Variants in DPP6 observed in about 807,000 individuals in gnomAD.
DPP6 encodes the protein A-type potassium channel modulatory protein DPP6.
A neutral mutation model predicts 122.6 loss-of-function variants in DPP6; 69 were observed. The observed-to-expected ratio is 0.56, with a 90% CI of 0.46 to 0.69. The LOEUF is 0.69. Among genes scored for constraint, DPP6 ranks in the 30% least tolerant of loss-of-function variants. The pLI, the probability that DPP6 is intolerant of heterozygous loss-of-function variation, is 0.00. For missense variants in DPP6, 928 were observed against 1,116.9 expected, an observed-to-expected ratio of 0.83 and a Z score of 2.41; for synonymous variants, 418 against 433.1, an observed-to-expected ratio of 0.97 and a Z score of 0.43.
intron 1 of DPP6, among the ~76,000 whole-genome samples, chr7:154,137,048 T>C (rs1563236425): frequency 2.6e-5 from 4 of 152,226 alleles, no homozygotes; most frequent in Non-Finnish European, 1.5e-5. Flanking sequence ...AAGAGAACTT[T>C]AGGGGGACAT....
chr7:154,792,474 T>G lies in DPP6; in HGVS notation c.1137-1605T>G, dbSNP rs184418249. Reference sequence around the variant, plus strand: ...GTGACATATATTTTTTTCTTATGATTGTAAATAATGACCAAATCCCATCAT... The same window carrying G: ...GTGACATATATTTTTTTCTTATGATGGTAAATAATGACCAAATCCCATCAT... On this transcript the variant is annotated intron_variant, in intron 10 of 25. Transcript: ENST00000377770. Among the ~76,000 whole-genome samples, 409 of 152,388 alleles carry G rather than the reference T, an allele frequency of 2.7e-3. 2 individuals carry two copies. The highest frequency in any genetic ancestry group is 0.01 in the Middle Eastern group (3 of 294).
At chr7:154,047,593 T>C (rs1346682982), upstream of DPP6, among the ~76,000 whole-genome samples, 32 of 150,558 alleles carry the variant, frequency 2.1e-4, no homozygotes, top group East Asian at 4.7e-3. Context: ...GAAACGATCA[T>C]TGTGTCACCA....
chr7:154,342,260 G>A (rs1039187450), intron 1 of DPP6, among the ~76,000 whole-genome samples: 3 of 152,172 alleles, frequency 2.0e-5, no homozygotes, highest in African/African-American at 7.2e-5. Context: ...TGTGGGCACA[G>A]CATGGAAAGG....
chr7:154,433,496 C>G lies in DPP6; in HGVS notation c.244-12718C>G, dbSNP rs1486106499. Among the ~76,000 whole-genome samples the G allele has an allele frequency of 2.6e-5, 4 of 152,108 alleles. No individual in the cohort carries two copies. The East Asian group carries it at 5.8e-4, about 22-fold the overall frequency. ...ATACTTCATTGTTTATAAGCGTGTACTGGGCACATTGTGAAACACAAACGT... is the reference window on the plus strand; with the variant it reads ...ATACTTCATTGTTTATAAGCGTGTAGTGGGCACATTGTGAAACACAAACGT... On this transcript the variant is annotated intron_variant, in intron 1 of 25. Coordinates refer to ENST00000377770, the MANE Select transcript of DPP6 (RefSeq NM_130797.4).
At chr7:154,678,605 C>T (rs1436445942) in intron 7 of DPP6, among the ~76,000 whole-genome samples, 1 of 152,238 alleles carries the variant, frequency 6.6e-6, no homozygotes, top group Non-Finnish European at 1.5e-5. Flanking sequence ...CCGCGAGGGT[C>T]TGCGGCTTCA....
intron 16 of DPP6, among the ~76,000 whole-genome samples, chr7:154,807,745 C>A (rs766615905): frequency 6.6e-6 from 1 of 152,090 alleles, no homozygotes; most frequent in Non-Finnish European, 1.5e-5. Context: ...TTGCTTGAAC[C>A]CAGGAGGTGG....
At chr7:154,243,010 A>G (rs1165835307) in intron 1 of DPP6, among the ~76,000 whole-genome samples, 4 of 152,326 alleles carry the variant, frequency 2.6e-5, no homozygotes, top group East Asian at 3.9e-4. Context: ...ACACCATAGC[A>G]GTAAAAGCTA....
In DPP6 at chr7:154,341,092, T is replaced by A. The variant is rs1454332110; in HGVS notation, c.244-105122T>A. On this transcript the variant is annotated intron_variant, in intron 1 of 25. Transcript: ENST00000377770. ...GAGATACTAGTTTTTATGCTTGTAA[T>A]CAATCACACTTAAATATCATGCAAT... 2.6e-5 allele frequency among the ~76,000 whole-genome samples: 4 copies of A among 152,214 alleles called. No homozygotes were observed. The South Asian group carries it at 8.3e-4, about 31-fold the overall frequency.
intron 7 of DPP6, among the ~76,000 whole-genome samples, chr7:154,679,643 G>C (rs1324681221): frequency 6.6e-6 from 1 of 152,192 alleles, no homozygotes. Flanking sequence ...CCAGCAAGAG[G>C]AGAGTCTTTA....
intron 1 of DPP6, among the ~76,000 whole-genome samples, chr7:153,918,808 C>A (rs1046663708): frequency 6.6e-6 from 1 of 151,596 alleles, no homozygotes; most frequent in Non-Finnish European, 1.5e-5. Flanking sequence ...GGTGAAACCC[C>A]GTCTCTACTA....
chr7:154,822,357 G>A (rs746228906), intron 16 of DPP6, among the ~76,000 whole-genome samples: 14 of 152,148 alleles, frequency 9.2e-5, no homozygotes, highest in South Asian at 4.1e-4. Flanking sequence ...ATCTCGCTGC[G>A]TCCTCACATG....
chr7:154,892,550 T>C lies in DPP6; in HGVS notation c.*70T>C. On this transcript the variant is annotated 3_prime_UTR_variant, in exon 26 of 26. Coordinates refer to ENST00000377770, the MANE Select transcript of DPP6 (RefSeq NM_130797.4). ...ATGCAACCGAGGGATTTCCCTGCCC[T>C]CCCTCTTCCCTCGGAGGGGCGGGGC... The C allele has an allele frequency of 2.1e-6, 2 of 953,264 alleles. No homozygotes were observed. The highest frequency in any genetic ancestry group is 3.1e-6 in the Non-Finnish European group (2 of 651,278). The allele number at this position is 953,264 out of a possible 1,614,324, so 59.1% of individuals were successfully genotyped here.
chr7:154,759,938 A>G (rs570559402), intron 8 of DPP6, among the ~76,000 whole-genome samples: 26 of 152,302 alleles, frequency 1.7e-4, no homozygotes, highest in African/African-American at 6.0e-4. Flanking sequence ...CCAGGCCAAT[A>G]TGGTGAAACC....
At chr7:153,828,003 G>A in the DPP6 span, among the ~76,000 whole-genome samples, 2 of 152,312 alleles carry the variant, frequency 1.3e-5, no homozygotes, top group South Asian at 4.1e-4. Flanking sequence ...GACTCCACAA[G>A]GAGCGGTGAT....
At chr7:153,787,933 A>G in the DPP6 span, among the ~76,000 whole-genome samples, 1 of 151,050 alleles carries the variant, frequency 6.6e-6, no homozygotes, top group African/African-American at 2.4e-5. Flanking sequence ...CTTAGAAGGT[A>G]GAGCAGTTGA....
chr7:154,060,507 C>T (rs1282057771), intron 1 of DPP6, among the ~76,000 whole-genome samples: 29 of 139,318 alleles, frequency 2.1e-4, no homozygotes, highest in South Asian at 9.3e-4. Context: ...CCTTAGGACC[C>T]ACCTGGAGGA....
At chr7:154,328,253 C>A (rs1003775541) in intron 1 of DPP6, among the ~76,000 whole-genome samples, 1 of 152,088 alleles carries the variant, frequency 6.6e-6, no homozygotes, top group African/African-American at 2.4e-5. Flanking sequence ...GGCATGGCCT[C>A]CTAGAGAAAT....
intron 21 of DPP6, chr7:154,883,989 C>A (rs200902594): frequency 0.016 from 2,397 of 146,368 alleles, 261 homozygotes; most frequent in Admixed American, 0.12. Context: ...CACATGCTCA[C>A]ACATACACAT....
At chr7:154,365,526 A>G (rs1812081457) in intron 1 of DPP6, among the ~76,000 whole-genome samples, 1 of 152,166 alleles carries the variant, frequency 6.6e-6, no homozygotes, top group African/African-American at 2.4e-5. Context: ...TGTAACTATG[A>G]GGTTCAGATC....
Sources: allele counts gnomAD v4.1 joint callset (sites outside exome capture counted in the v4.1 genomes callset), GRCh38; gene constraint gnomAD v4.1.1; transcripts MANE v1.5; gene names NCBI Gene and HGNC (gene_info 2026-07-23, HGNC 2026-07-21).